Variants in EPHB1 observed in about 807,000 individuals in gnomAD.
EPHB1 encodes EPH receptor B1, also known as ephrin type-B receptor 1.
In EPHB1, 30 loss-of-function variants were observed where a neutral mutation model predicts 94.4. The ratio of observed to expected loss-of-function variants is 0.32; its 90% CI spans 0.24 to 0.43. The LOEUF (loss-of-function observed/expected upper bound fraction) is 0.43. Among genes scored for constraint, EPHB1 ranks in the 20% least tolerant of loss-of-function variants. The probability of loss-of-function intolerance (pLI) is 1.00; values close to 1 mark genes in which losing one functional copy is unlikely to be tolerated. For missense variants in EPHB1, 1,055 were observed against 1,308.3 expected (o/e 0.81, Z 2.99); for synonymous variants, 522 against 489.1 (o/e 1.07, Z -0.89).
intron 3 of EPHB1, among the ~76,000 whole-genome samples, chr3:135,001,052 C>G (rs913046875): frequency 7.2e-5 from 11 of 152,146 alleles, no homozygotes; most frequent in Non-Finnish European, 1.0e-4. Context: ...GACACCTTTT[C>G]CATGTATCTG....
chr3:135,250,979 G>C (rs899198763), intron 15 of EPHB1, among the ~76,000 whole-genome samples: 4 of 152,070 alleles, frequency 2.6e-5, no homozygotes, highest in Admixed American at 2.6e-4. Flanking sequence ...TGAGCCCCCA[G>C]GGACAGCTTC....
At chr3:135,184,573 T>A (rs184197980) in intron 10 of EPHB1, among the ~76,000 whole-genome samples, 2 of 152,300 alleles carry the variant, frequency 1.3e-5, no homozygotes, top group East Asian at 3.9e-4. Flanking sequence ...TAAATATTTG[T>A]TGTATATGGC....
chr3:135,189,858 C>G (rs1942413371), intron 10 of EPHB1, among the ~76,000 whole-genome samples: 5 of 152,244 alleles, frequency 3.3e-5, no homozygotes, highest in Admixed American at 3.3e-4. Context: ...TGCCACCCAA[C>G]TCCCAGGCAG....
At chr3:135,186,908 A>C (rs931020473) in intron 10 of EPHB1, among the ~76,000 whole-genome samples, 1 of 152,206 alleles carries the variant, frequency 6.6e-6, no homozygotes, top group African/African-American at 2.4e-5. Flanking sequence ...CCAGGTTCTC[A>C]AATAGATGAA....
intron 3 of EPHB1, among the ~76,000 whole-genome samples, chr3:135,052,607 A>T (rs1484945456): frequency 1.3e-5 from 2 of 151,650 alleles, no homozygotes; most frequent in Non-Finnish European, 2.9e-5. Flanking sequence ...CACACCTGTA[A>T]TCCCAGCACT....
chr3:135,221,678 A>G (rs1291336995), intron 12 of EPHB1, among the ~76,000 whole-genome samples: 1 of 152,206 alleles, frequency 6.6e-6, no homozygotes, highest in Non-Finnish European at 1.5e-5. Flanking sequence ...ACTTGGAGTC[A>G]GTTACTATAC....
chr3:135,130,052 A>G (rs533627904), intron 4 of EPHB1, among the ~76,000 whole-genome samples: 1 of 152,328 alleles, frequency 6.6e-6, no homozygotes, highest in South Asian at 2.1e-4. Flanking sequence ...TGTGCAGAAG[A>G]ACGCTATGAC....
At chr3:134,931,135 C>T (rs1344235479) in intron 2 of EPHB1, among the ~76,000 whole-genome samples, 1 of 152,198 alleles carries the variant, frequency 6.6e-6, no homozygotes, top group Non-Finnish European at 1.5e-5. Context: ...TTGTTGTAGA[C>T]CTCTTAACAC....
At chr3:134,844,700 A>G (rs2036837446) in intron 1 of EPHB1, among the ~76,000 whole-genome samples, 2 of 152,166 alleles carry the variant, frequency 1.3e-5, no homozygotes, top group Admixed American at 1.3e-4. Flanking sequence ...ACAGGTACCC[A>G]CTATTCTTAC....
At chr3:135,129,217 G>A (rs1412425563) in intron 4 of EPHB1, among the ~76,000 whole-genome samples, 1 of 151,318 alleles carries the variant, frequency 6.6e-6, no homozygotes, top group Non-Finnish European at 1.5e-5. Flanking sequence ...TGGGGGTGGG[G>A]GAGGAAACTC....
At chr3:135,120,913 A>T (rs1428017708) in intron 4 of EPHB1, among the ~76,000 whole-genome samples, 1 of 152,124 alleles carries the variant, frequency 6.6e-6, no homozygotes, top group African/African-American at 2.4e-5. Context: ...GACTGTGGAG[A>T]TGCAGGACTC....
intron 15 of EPHB1, among the ~76,000 whole-genome samples, chr3:135,253,826 T>G (rs929810051): frequency 6.6e-5 from 10 of 152,278 alleles, no homozygotes; most frequent in African/African-American, 2.4e-4. Flanking sequence ...TTCACAATAT[T>G]GATTCTTCCT....
At chr3:135,178,253 C>G (rs1942047671) in intron 9 of EPHB1, among the ~76,000 whole-genome samples, 1 of 148,834 alleles carries the variant, frequency 6.7e-6, no homozygotes, top group Non-Finnish European at 1.5e-5. Flanking sequence ...GTCGGGAGTT[C>G]AAGACCAGCC....
At chr3:135,183,988 A>T (rs1172109321) in intron 10 of EPHB1, among the ~76,000 whole-genome samples, 1 of 152,184 alleles carries the variant, frequency 6.6e-6, no homozygotes, top group Admixed American at 6.5e-5. Context: ...CAATCGCTAA[A>T]ACCTTGGAGG....
At chr3:135,236,777 A>G (rs1943664582) in intron 12 of EPHB1, among the ~76,000 whole-genome samples, 1 of 152,188 alleles carries the variant, frequency 6.6e-6, no homozygotes, top group Non-Finnish European at 1.5e-5. Flanking sequence ...CCATAATCCC[A>G]TTGAGATTTT....
At position 134,887,574 on chromosome 3, in the gene EPHB1, G is replaced by A. The variant is rs374462040; in HGVS notation, c.59-38242G>A. Among the ~76,000 whole-genome samples, 53 of 152,244 alleles carry A rather than the reference G, an allele frequency of 3.5e-4. No individual in the cohort carries two copies. The Middle Eastern group carries it at 0.01, about 29-fold the overall frequency. On this transcript the variant is annotated intron_variant, in intron 1 of 15. Coordinates refer to ENST00000398015, the MANE Select transcript of EPHB1 (RefSeq NM_004441.5). ...TGCATAGAAAGAACAGGAAGTATTT[G>A]TTTCCATTTATATCTTTTGATACTA... is the stretch of plus-strand genomic sequence containing the variant.
intron 15 of EPHB1, among the ~76,000 whole-genome samples, chr3:135,255,505 G>A (rs1933341386): frequency 6.8e-6 from 1 of 146,080 alleles, no homozygotes; most frequent in Non-Finnish European, 1.5e-5. Flanking sequence ...AGGTTGTTCA[G>A]TTTCCATGTA....
chr3:134,976,321 G>A (rs532596987), intron 3 of EPHB1, among the ~76,000 whole-genome samples: 2 of 152,338 alleles, frequency 1.3e-5, no homozygotes, highest in South Asian at 4.1e-4. Context: ...TTGCACTGCA[G>A]CCTGGCAGCC....
chr3:135,097,180 T>C (rs1938830626), intron 3 of EPHB1, among the ~76,000 whole-genome samples: 1 of 148,184 alleles, frequency 6.7e-6, no homozygotes, highest in African/African-American at 2.5e-5. Context: ...TTTTTTTTTT[T>C]TTTTTTTGAG....
Sources: allele counts gnomAD v4.1 joint callset (sites outside exome capture counted in the v4.1 genomes callset), GRCh38; gene constraint gnomAD v4.1.1; transcripts MANE v1.5; gene names NCBI Gene and HGNC (gene_info 2026-07-23, HGNC 2026-07-21).